Variants in IMPA1 observed in about 807,000 individuals in gnomAD.
The protein encoded by IMPA1 is inositol monophosphatase 1, also known as D-galactose 1-phosphate phosphatase.
A neutral mutation model predicts 34.9 loss-of-function variants in IMPA1; 21 were observed. That is an observed-to-expected ratio of 0.60 (90% CI 0.43 to 0.87). IMPA1 has a LOEUF of 0.87. Ranked by LOEUF, IMPA1 falls within the 40% of genes least tolerant of loss-of-function variation. The pLI is 0.00. For synonymous variants in IMPA1, 95 were observed against 104.4 expected, an observed-to-expected ratio of 0.91 and a Z score of 0.55; for missense variants, 299 against 336.4, an observed-to-expected ratio of 0.89 and a Z score of 0.87.
chr8:81,683,794 G>A (rs1335847055), intron 1 of IMPA1, among the ~76,000 whole-genome samples: 1 of 152,138 alleles, frequency 6.6e-6, no homozygotes, highest in Non-Finnish European at 1.5e-5. Context: ...GATAATCACT[G>A]GATAGGCATG....
chr8:81,679,960 C>T (rs537037291), intron 3 of IMPA1, among the ~76,000 whole-genome samples: 2 of 151,812 alleles, frequency 1.3e-5, no homozygotes, highest in African/African-American at 4.8e-5. Context: ...CATGGTGAAA[C>T]CCCGTCTCTA....
At position 81,676,288 on chromosome 8, in the gene IMPA1, A is replaced by T. The variant is rs183772097; in HGVS notation, c.303-9T>A. 2,121 of 1,218,780 alleles carry T rather than the reference A, an allele frequency of 1.7e-3. 3 individuals are homozygous for T. Among genetic ancestry groups the T allele is most frequent in the Non-Finnish European group, 2.0e-3 (1,721 of 879,154 alleles). 75.5% of individuals were successfully genotyped at this position (1,218,780 alleles called of 1,614,324 possible). On this transcript the variant is annotated splice_polypyrimidine_tract_variant and intron_variant, in intron 4 of 8. Coordinates refer to ENST00000256108, the MANE Select transcript of IMPA1 (RefSeq NM_005536.4). Reference sequence around the variant, plus strand: ...CAGCTACAAAAGGAAATCTTTTTTTAAAAAAAAGGACAAAATACAAATTAA... The same window carrying T: ...CAGCTACAAAAGGAAATCTTTTTTTTAAAAAAAGGACAAAATACAAATTAA...
intron 1 of IMPA1, among the ~76,000 whole-genome samples, chr8:81,683,775 C>T (rs1223257685): frequency 8.9e-6 from 1 of 112,604 alleles, no homozygotes; most frequent in Non-Finnish European, 1.7e-5. Context: ...AACTGAGGTC[C>T]TGAGTCTGGA....
rs2130312076 is a variant in IMPA1, at chr8:81,679,128, A to G, written c.300T>C (p.His100=). 1 of 1,583,716 alleles carries G rather than the reference A, an allele frequency of 6.3e-7. No homozygotes were observed. Among genetic ancestry groups the G allele is most frequent in the Non-Finnish European group, 8.7e-7 (1 of 1,152,284 alleles). ...DPIDGTTNFV[H]RFPFVAVSIG... ...ATATTAGACATTTTAAAACATACCT[A>G]TGTACAAAGTTAGTTGTTCCATCAA... The change falls in exon 4 of 9, where the codon CAT becomes CAC. Residue 100 remains histidine (H), a splice_region_variant and synonymous_variant. Transcript: ENST00000256108.
intron 1 of IMPA1, among the ~76,000 whole-genome samples, chr8:81,685,577 A>G (rs1267310078): frequency 7.0e-6 from 1 of 141,998 alleles, no homozygotes; most frequent in African/African-American, 2.5e-5. Flanking sequence ...ATAAGTATAC[A>G]GAAGTATATT....
At chr8:81,670,917 A>C (rs767114450) in intron 7 of IMPA1, 22 bp downstream of exon 7, 2 of 1,231,008 alleles carry the variant, frequency 1.6e-6, no homozygotes, top group Admixed American at 2.6e-5. Flanking sequence ...AGAGAGAGAT[A>C]GAATAATGGT....
chr8:81,663,368 T>C (rs966772081), intron 7 of IMPA1, among the ~76,000 whole-genome samples: 2 of 152,184 alleles, frequency 1.3e-5, no homozygotes, highest in African/African-American at 4.8e-5. Flanking sequence ...ATAGACCACA[T>C]ATGCATAGTA....
At chr8:81,684,617 T>C (rs1334652391) in intron 1 of IMPA1, among the ~76,000 whole-genome samples, 2 of 129,294 alleles carry the variant, frequency 1.5e-5, no homozygotes, top group Non-Finnish European at 3.2e-5. Context: ...CTAGTATATA[T>C]ATACTACACA....
At chr8:81,680,133 TA>T (rs60772020) in intron 3 of IMPA1, among the ~76,000 whole-genome samples, 61,188 of 131,992 alleles carry the variant, frequency 0.46, 13,976 homozygotes, top group African/African-American at 0.63. Context: ...TGTCTCCGTC[TA>T]AAAAAAAAAA....
chr8:81,672,164 C>T (rs1379781409), intron 6 of IMPA1, among the ~76,000 whole-genome samples: 2 of 152,136 alleles, frequency 1.3e-5, no homozygotes, highest in Non-Finnish European at 2.9e-5. Context: ...AGATTCTAAA[C>T]TCAAATTGTT....
chr8:81,671,977 T>C (rs1807000902), intron 6 of IMPA1, among the ~76,000 whole-genome samples: 1 of 152,222 alleles, frequency 6.6e-6, no homozygotes, highest in African/African-American at 2.4e-5. Context: ...GAGTTGTTTC[T>C]ATCAAAGCTA....
intron 1 of IMPA1, among the ~76,000 whole-genome samples, chr8:81,685,070 A>C (rs1246879366): frequency 7.5e-6 from 1 of 133,756 alleles, no homozygotes; most frequent in Non-Finnish European, 1.5e-5. Flanking sequence ...GTATATTTAG[A>C]TATATATACT....
chr8:81,660,460 T>C lies in IMPA1; in HGVS notation c.718+56A>G. The C allele has an allele frequency of 3.9e-6, 6 of 1,531,548 alleles. 1 individual carries two copies. The South Asian group carries it at 4.6e-5, about 12-fold the overall frequency. 94.9% of individuals were successfully genotyped at this position (1,531,548 alleles called of 1,614,324 possible). ...ATCAAAAAGTTTTTTAAATTCTACA[T>C]ATGGACAAAAGTCCAACAGATGTGT... On this transcript the variant is annotated intron_variant, in intron 8 of 8. Transcript: ENST00000256108.
chr8:81,660,743 T>C (rs1211600051), intron 7 of IMPA1, 76 bp from the exon 8 acceptor site: 1 of 1,213,070 alleles, frequency 8.2e-7, no homozygotes, highest in Non-Finnish European at 1.2e-6. Context: ...AACTTCACTT[T>C]AAGTGTCGAT....
At chr8:81,669,266 A>T (rs1806921692) in intron 7 of IMPA1, among the ~76,000 whole-genome samples, 1 of 152,146 alleles carries the variant, frequency 6.6e-6, no homozygotes, top group African/African-American at 2.4e-5. Flanking sequence ...AAGCAGGACC[A>T]CTACCTGGGC....
Position 81,660,573 on chromosome 8 carries a change from C to T in IMPA1, c.661G>A (p.Val221Ile), listed in dbSNP as rs1585886945. The change falls in exon 8 of 9, where the codon GTT (valine) becomes ATT (isoleucine). Residue 221 changes from valine to isoleucine, a missense_variant. Val to Ile is a conservative substitution (Grantham distance 29). Coordinates refer to ENST00000256108, the MANE Select transcript of IMPA1 (RefSeq NM_005536.4). ...YYEMGIHCWD[V>I]AGAGIIVTEA... is the part of the protein sequence containing the mutation. ...GTAACAATAATGCCAGCTCCTGCAA[C>T]ATCCCAGCAGTGAATTCCCATTTCA... is the stretch of plus-strand genomic sequence containing the variant. The T allele has an allele frequency of 1.2e-6, 2 of 1,613,964 alleles. No individual in the cohort carries two copies. The highest frequency in any genetic ancestry group is 1.3e-5 in the African/African-American group (1 of 75,052).
chr8:81,660,654 C>T lies in IMPA1; in HGVS notation c.580G>A (p.Gly194Arg). The T allele has an allele frequency of 6.2e-7, 1 of 1,611,544 alleles. No homozygotes were observed. ...AGGCACATATTAACAGCTGCTGTTC[C>T]AACACTCCGGATCCTAACAAATAGA... is the stretch of plus-strand genomic sequence containing the variant. ...CIPVHGIRSV[G>R]TAAVNMCLVA... is the part of the protein sequence containing the mutation. Residue 194 changes from glycine (G) to arginine (R), a missense_variant, in exon 8 of 9, where the codon GGA becomes AGA. Physicochemically the swap from Gly to Arg is moderately radical, Grantham distance 125. Coordinates refer to ENST00000256108, the MANE Select transcript of IMPA1 (RefSeq NM_005536.4).
At chr8:81,674,821 C>T (rs960454894) in intron 5 of IMPA1, 6 of 455,384 alleles carry the variant, frequency 1.3e-5, no homozygotes, top group Non-Finnish European at 1.8e-5. Flanking sequence ...GAAGAACCTA[C>T]GGTTCCAAAC....
chr8:81,662,434 C>T (rs181835979), intron 7 of IMPA1, among the ~76,000 whole-genome samples: 1 of 152,156 alleles, frequency 6.6e-6, no homozygotes, highest in South Asian at 2.1e-4. Context: ...AATGGTCTTA[C>T]AATCAGCAAG....
Sources: allele counts gnomAD v4.1 joint callset (sites outside exome capture counted in the v4.1 genomes callset), GRCh38; gene constraint gnomAD v4.1.1; transcripts MANE v1.5; gene names NCBI Gene and HGNC (gene_info 2026-07-23, HGNC 2026-07-21).